The following RBM26 variants were observed in gnomAD, a reference collection of about 807,000 sequenced individuals.
RBM26 encodes the protein RNA-binding protein 26.
RBM26 carries 30 observed loss-of-function variants against 123.6 expected under a neutral mutation model. That is an observed-to-expected ratio of 0.24 (90% CI 0.18 to 0.33). The LOEUF is 0.33. RBM26 is among the 10% of genes least tolerant of loss of function. The pLI is 1.00. For missense variants in RBM26, 947 were observed against 1,203.6 expected (o/e 0.79, Z 3.15); for synonymous variants, 400 against 404.4 (o/e 0.99, Z 0.13).
In RBM26 at chr13:79,383,237, T is replaced by C. The variant is rs577500942; in HGVS notation, c.72-4330A>G. On this transcript the variant is annotated intron_variant, in intron 1 of 21. Transcript: ENST00000438737. ...ATAGTAAATCCCACACAAGTATCAA[T>C]GAGTAAAATCATTAGGTTTAAATCT... is the stretch of plus-strand genomic sequence containing the variant. 3.1e-4 allele frequency among the ~76,000 whole-genome samples: 47 copies of C among 152,288 alleles called. 2 individuals are homozygous for C. The South Asian group carries it at 9.7e-3, about 32-fold the overall frequency.
chr13:79,371,763 A>G, intron 4 of RBM26, 79 bp downstream of exon 4: 1 of 1,032,110 alleles, frequency 9.7e-7, no homozygotes, highest in Non-Finnish European at 1.5e-6. Flanking sequence ...CCTCTGCGTA[A>G]AAGATAACCC....
At chr13:79,373,317 T>C (rs1450855768) in intron 3 of RBM26, among the ~76,000 whole-genome samples, 4 of 106,588 alleles carry the variant, frequency 3.8e-5, no homozygotes, top group Non-Finnish European at 6.8e-5. Context: ...TATAAATAAA[T>C]ATATATAAAT....
chr13:79,330,718 A>G (rs1242233889), intron 20 of RBM26, among the ~76,000 whole-genome samples: 2 of 152,170 alleles, frequency 1.3e-5, no homozygotes, highest in East Asian at 3.9e-4. Context: ...ACAAATACAT[A>G]TAATTATATA....
intron 1 of RBM26, among the ~76,000 whole-genome samples, chr13:79,385,819 CA>C (rs2140317242): frequency 6.6e-6 from 1 of 152,190 alleles, no homozygotes; most frequent in Admixed American, 6.5e-5. Context: ...GAGTTCAAAT[CA>C]TATCACCAGG....
chr13:79,389,678 A>G (rs2077776627), intron 1 of RBM26: 4 of 152,214 alleles, frequency 2.6e-5, no homozygotes, highest in Admixed American at 2.6e-4. Context: ...GTAACGGCAT[A>G]AAAACTACAT....
intron 1 of RBM26, among the ~76,000 whole-genome samples, chr13:79,397,280 A>G (rs1364849964): frequency 6.6e-6 from 1 of 152,224 alleles, no homozygotes; most frequent in Non-Finnish European, 1.5e-5. Context: ...ATCTGGTAAA[A>G]GGCAGTTACT....
At chr13:79,364,289 C>G (rs536612009) in intron 9 of RBM26, among the ~76,000 whole-genome samples, 1 of 152,204 alleles carries the variant, frequency 6.6e-6, no homozygotes, top group Non-Finnish European at 1.5e-5. Flanking sequence ...TTTAAACATT[C>G]AAGGAAGATG....
At chr13:79,314,979 G>A, downstream of RBM26, 1 of 1,301,212 alleles carries the variant, frequency 7.7e-7, no homozygotes, top group South Asian at 1.2e-5. Flanking sequence ...TTCAGGCAAT[G>A]ATGATCTCTC....
At position 79,322,743 on chromosome 13, in the gene RBM26, T is replaced by C. The variant is rs532809347; in HGVS notation, c.2821-281A>G. On this transcript the variant is annotated intron_variant, in intron 20 of 21. Transcript: ENST00000438737. ...TAATAAAATATAGCTATTTCACTAC[T>C]GGCCAATATTTGACTAAAAGAAATA... 4.0e-5 allele frequency among the ~76,000 whole-genome samples: 6 copies of C among 151,628 alleles called. No individual in the cohort carries two copies. In the East Asian group the frequency reaches 1.2e-3, roughly 29 times the overall value.
At chr13:79,322,264 TTAAAATCACGG>T in intron 21 of RBM26, 74 bp downstream of exon 21, 1 of 862,484 alleles carries the variant, frequency 1.2e-6, no homozygotes, top group Non-Finnish European at 1.7e-6. Flanking sequence ...AAGTTTTATG[TTAAAATCACGG>T]CCATAAAAAT....
intron 20 of RBM26, among the ~76,000 whole-genome samples, chr13:79,331,862 A>C (rs1016244390): frequency 6.6e-6 from 1 of 152,196 alleles, no homozygotes; most frequent in East Asian, 1.9e-4. Context: ...GTACTTTGGC[A>C]TGGTGATAGA....
intron 1 of RBM26, among the ~76,000 whole-genome samples, chr13:79,396,369 T>C (rs1044525336): frequency 6.6e-6 from 1 of 152,042 alleles, no homozygotes; most frequent in East Asian, 1.9e-4. Context: ...GAAAAACTAA[T>C]AGCAAAATTG....
At chr13:79,311,988 T>G (rs1018999060) in exon 5 of RBM26, 1 of 150,062 alleles carries the variant, frequency 6.7e-6, no homozygotes, top group African/African-American at 2.5e-5. Context: ...AGTAGTATTC[T>G]AGTTCAAGTT....
intron 20 of RBM26, among the ~76,000 whole-genome samples, chr13:79,324,611 A>G (rs2068103780): frequency 6.6e-6 from 1 of 151,828 alleles, no homozygotes; most frequent in African/African-American, 2.4e-5. Context: ...TTTGTCATCA[A>G]CAAGTTTTAA....
chr13:79,316,701 A>G (rs920692301), downstream of RBM26, among the ~76,000 whole-genome samples: 2 of 151,862 alleles, frequency 1.3e-5, no homozygotes, highest in Non-Finnish European at 2.9e-5. Flanking sequence ...AGTAACATTT[A>G]AAACAACACT....
intron 1 of RBM26, among the ~76,000 whole-genome samples, chr13:79,403,090 C>CA (rs1214237865): frequency 0.074 from 8,927 of 120,990 alleles, 292 homozygotes; most frequent in Middle Eastern, 0.15. Context: ...AATGTTAAAG[C>CA]AAAAAAAAAA....
At chr13:79,373,332 AATATATAT>A (rs2076205633) in intron 3 of RBM26, among the ~76,000 whole-genome samples, 1 of 106,108 alleles carries the variant, frequency 9.4e-6, no homozygotes, top group Non-Finnish European at 1.7e-5. Context: ...ATAAATATAA[AATATATAT>A]TATATATAAA....
intron 1 of RBM26, among the ~76,000 whole-genome samples, chr13:79,380,750 T>C (rs1464369465): frequency 2.0e-5 from 3 of 152,156 alleles, no homozygotes; most frequent in Non-Finnish European, 4.4e-5. Flanking sequence ...TAATTTTGTA[T>C]CTGTTAACCA....
At chr13:79,318,427 T>C (rs952384416), downstream of RBM26, among the ~76,000 whole-genome samples, 2 of 151,342 alleles carry the variant, frequency 1.3e-5, no homozygotes, top group Non-Finnish European at 3.0e-5. Context: ...TGAAAGTACA[T>C]GTAGAGTGCT....
Sources: gnomAD v4.1 joint callset for allele counts (sites outside exome capture counted in the v4.1 genomes callset) on GRCh38, gnomAD v4.1.1 for gene constraint, MANE v1.5 for transcripts, NCBI Gene and HGNC (gene_info 2026-07-23, HGNC 2026-07-21) for gene names.